Variants in VIPR2 observed in about 807,000 individuals in gnomAD.
VIPR2 encodes the protein vasoactive intestinal polypeptide receptor 2.
In VIPR2, 48 loss-of-function variants were observed where a neutral mutation model predicts 58.0. The ratio of observed to expected loss-of-function variants is 0.83; its 90% CI spans 0.66 to 1.05. The LOEUF is 1.05. VIPR2 is among the 50% of genes least tolerant of loss of function. VIPR2 has a pLI of 0.00. For missense variants in VIPR2, 534 were observed against 558.0 expected, an observed-to-expected ratio of 0.96 and a Z score of 0.43; for synonymous variants, 243 against 235.2, an observed-to-expected ratio of 1.03 and a Z score of -0.30.
intron 1 of VIPR2, 80 bp downstream of exon 1, chr7:159,144,641 A>G: frequency 7.3e-7 from 1 of 1,377,290 alleles, no homozygotes; most frequent in Non-Finnish European, 9.4e-7. Flanking sequence ...GAAGGCGAAG[A>G]CCGGCGGGAG....
At chr7:159,043,809 C>T (rs1231088231) in intron 5 of VIPR2, among the ~76,000 whole-genome samples, 1 of 152,172 alleles carries the variant, frequency 6.6e-6, no homozygotes, top group East Asian at 1.9e-4. Flanking sequence ...AGTGGTTTTG[C>T]AGACATGCTG....
chr7:159,030,775 C>T lies in VIPR2; in HGVS notation c.1158G>A (p.Leu386=), dbSNP rs760841345. 25 of 1,593,940 alleles carry T rather than the reference C, an allele frequency of 1.6e-5. No homozygotes were observed. The Admixed American group carries it at 1.7e-4, about 11-fold the overall frequency. Residue 386 remains leucine, a synonymous_variant, in exon 13 of 13, where the codon CTG becomes CTA. Coordinates refer to ENST00000262178, the MANE Select transcript of VIPR2 (RefSeq NM_003382.5). Reference sequence around the variant, plus strand: ...GGCACCGGCTTCGCCATTTTCGCTTCAGCTCGCACTGCACCTGGGAGGTGA... The same window carrying T: ...GGCACCGGCTTCGCCATTTTCGCTTTAGCTCGCACTGCACCTGGGAGGTGA... The part of the protein sequence containing the change: ...CFLNSEVQCE[L]KRKWRSRCPT...
At chr7:159,089,584 T>C (rs1563314115) in intron 4 of VIPR2, among the ~76,000 whole-genome samples, 1 of 152,276 alleles carries the variant, frequency 6.6e-6, no homozygotes, top group East Asian at 1.9e-4. Context: ...ATTATCATTA[T>C]AACTAATATT....
intron 5 of VIPR2, 115 bp from the exon 6 acceptor site, chr7:159,043,291 A>G: frequency 7.4e-6 from 7 of 941,984 alleles, no homozygotes; most frequent in Non-Finnish European, 1.0e-5. Flanking sequence ...GAAAAATAAA[A>G]GAGTTGAGGG....
At chr7:159,058,456 A>C (rs202067633) in intron 5 of VIPR2, 25 bp downstream of exon 5, 669 of 1,597,144 alleles carry the variant, frequency 4.2e-4, no homozygotes, top group Non-Finnish European at 5.4e-4. Context: ...TATTCTTTGC[A>C]GAATTACTAA....
At chr7:159,138,220 C>T (rs189640990) in intron 2 of VIPR2, among the ~76,000 whole-genome samples, 42 of 152,314 alleles carry the variant, frequency 2.8e-4, no homozygotes, top group East Asian at 3.9e-4. Flanking sequence ...GCCCACATGA[C>T]GCTGTGAGCA....
intron 4 of VIPR2, among the ~76,000 whole-genome samples, chr7:159,069,430 C>T (rs1381404031): frequency 6.6e-6 from 1 of 152,190 alleles, no homozygotes; most frequent in Admixed American, 6.5e-5. Context: ...CTCACGTGTG[C>T]GGAATCCATC....
chr7:159,115,938 GT>G (rs2129496613), intron 2 of VIPR2, among the ~76,000 whole-genome samples: 1 of 142,704 alleles, frequency 7.0e-6, no homozygotes, highest in South Asian at 2.2e-4. Flanking sequence ...TAGCTAAGTA[GT>G]CAGGCAGCAG....
chr7:159,068,840 A>G (rs1198922920), intron 4 of VIPR2, among the ~76,000 whole-genome samples: 2 of 152,216 alleles, frequency 1.3e-5, no homozygotes, highest in East Asian at 3.9e-4. Context: ...GCTCTTCACC[A>G]ATTATCTTGT....
chr7:159,118,559 A>G (rs1796331541), intron 2 of VIPR2, among the ~76,000 whole-genome samples: 1 of 152,176 alleles, frequency 6.6e-6, no homozygotes, highest in Non-Finnish European at 1.5e-5. Flanking sequence ...AATGAGACGG[A>G]GGGGAAGGAA....
At chr7:159,069,455 C>A (rs1162002729) in intron 4 of VIPR2, among the ~76,000 whole-genome samples, 4 of 152,216 alleles carry the variant, frequency 2.6e-5, no homozygotes, top group Admixed American at 2.6e-4. Context: ...GTCTCCAGAA[C>A]TTTCCAGACC....
At chr7:159,112,788 G>A (rs1004707871) in intron 2 of VIPR2, among the ~76,000 whole-genome samples, 12 of 137,674 alleles carry the variant, frequency 8.7e-5, no homozygotes, top group African/African-American at 1.4e-4. Context: ...TGCCTGGGAC[G>A]GGACCCGGCT....
intron 6 of VIPR2, among the ~76,000 whole-genome samples, chr7:159,038,336 G>A (rs776898882): frequency 3.3e-5 from 5 of 152,102 alleles, no homozygotes; most frequent in Non-Finnish European, 5.9e-5. Flanking sequence ...ACACTGCACA[G>A]GTGAGAGTTA....
At position 159,049,982 on chromosome 7, in the gene VIPR2, T is replaced by C. The variant is rs116359661; in HGVS notation, c.456-6806A>G. On this transcript the variant is annotated intron_variant, in intron 5 of 12. Transcript: ENST00000262178. ...CCTCTGCAATTTAAGTATTTGTAAT[T>C]TCAGTAACAATTACTAGGTATGCCA... 4.2e-3 allele frequency among the ~76,000 whole-genome samples: 647 copies of C among 152,298 alleles called. 1 individual carries two copies. Among genetic ancestry groups the C allele is most frequent in the African/African-American group, 0.015 (622 of 41,562 alleles).
rs555737398 is a variant in VIPR2 at position 159,122,823 on chromosome 7, T to C, written c.152-12904A>G. On this transcript the variant is annotated intron_variant, in intron 2 of 12. Transcript: ENST00000262178. ...ACAGCTTGATGGAATGATTCACCAG[T>C]TGAGGTGGGAAAATCTTTTTTTTAA... Among the ~76,000 whole-genome samples, 11 of 152,322 alleles carry C rather than the reference T, an allele frequency of 7.2e-5. No homozygotes were observed. In the South Asian group the frequency reaches 2.1e-3, roughly 29 times the overall value.
At chr7:159,122,169 G>A (rs1354641069) in intron 2 of VIPR2, among the ~76,000 whole-genome samples, 1 of 152,246 alleles carries the variant, frequency 6.6e-6, no homozygotes, top group Non-Finnish European at 1.5e-5. Context: ...CAAGGGACAT[G>A]ACGGGTGGCA....
rs1263414390 is a variant in VIPR2 at position 159,089,578 on chromosome 7, T to C, written c.357+14179A>G. On this transcript the variant is annotated intron_variant, in intron 4 of 12. Coordinates refer to ENST00000262178, the MANE Select transcript of VIPR2 (RefSeq NM_003382.5). ...AAGCCCTTAACAACAACTATTATTA[T>C]CATTATAACTAATATTATTAGCACA... Among the ~76,000 whole-genome samples, 12 of 152,398 alleles carry C rather than the reference T, an allele frequency of 7.9e-5. No individual in the cohort carries two copies. The East Asian group carries it at 2.1e-3, about 27-fold the overall frequency.
chr7:159,077,085 T>C (rs543229395), intron 4 of VIPR2, among the ~76,000 whole-genome samples: 1 of 152,354 alleles, frequency 6.6e-6, no homozygotes, highest in Non-Finnish European at 1.5e-5. Flanking sequence ...GAATGTGCAT[T>C]GAACCACTAT....
At chr7:159,047,997 G>A (rs1450998706) in intron 5 of VIPR2, among the ~76,000 whole-genome samples, 1 of 151,906 alleles carries the variant, frequency 6.6e-6, no homozygotes, top group African/African-American at 2.4e-5. Flanking sequence ...GACATAGCTA[G>A]GTATGAAAAA....
Sources: allele counts gnomAD v4.1 joint callset (sites outside exome capture counted in the v4.1 genomes callset), GRCh38; gene constraint gnomAD v4.1.1; transcripts MANE v1.5; gene names NCBI Gene and HGNC (gene_info 2026-07-23, HGNC 2026-07-21).